Variants in NPHP4 observed in about 807,000 individuals in gnomAD.
NPHP4 encodes the protein nephrocystin-4.
A neutral mutation model predicts 155.8 loss-of-function variants in NPHP4; 151 were observed. The ratio of observed to expected loss-of-function variants is 0.97; its 90% CI spans 0.85 to 1.11. The LOEUF (loss-of-function observed/expected upper bound fraction) is 1.11. Ranked by LOEUF, NPHP4 falls within the 50% of genes least tolerant of loss-of-function variation. The pLI is 0.00. For missense variants in NPHP4, 1,956 were observed against 1,925.7 expected (o/e 1.02, Z -0.29); for synonymous variants, 845 against 816.8 (o/e 1.03, Z -0.59).
Position 5,907,127 on chromosome 1 carries a change from G to A in NPHP4, c.1599C>T (p.Ser533=), listed in dbSNP as rs1644945496. Residue 533 remains serine (S), a synonymous_variant, in exon 13 of 30, where the codon TCC becomes TCT. Coordinates refer to ENST00000378156, the MANE Select transcript of NPHP4 (RefSeq NM_015102.5). ...GGGCGGCACTTACTGCCTGGGCCGGGGAGGCCTGAGAGCCATGGGGTAGCT... is the reference window on the plus strand; with the variant it reads ...GGGCGGCACTTACTGCCTGGGCCGGAGAGGCCTGAGAGCCATGGGGTAGCT... ...TSQLPHGSQA[S]PAQAQEFPLE... The A allele has an allele frequency of 6.5e-7, 1 of 1,542,772 alleles. No homozygotes were observed. The highest frequency in any genetic ancestry group is 1.4e-5 in the African/African-American group (1 of 73,070).
intron 16 of NPHP4, among the ~76,000 whole-genome samples, chr1:5,903,870 C>T (rs1489822132): frequency 6.6e-6 from 1 of 152,196 alleles, no homozygotes; most frequent in Non-Finnish European, 1.5e-5. Flanking sequence ...TGACGCAACA[C>T]AAAGAGAAGC....
intron 15 of NPHP4, among the ~76,000 whole-genome samples, 157 bp from the exon 16 acceptor site, chr1:5,904,961 C>G (rs1038418325): frequency 6.6e-6 from 1 of 152,170 alleles, no homozygotes; most frequent in Non-Finnish European, 1.5e-5. Flanking sequence ...TTGCTGTGCT[C>G]TCAGCAAGCC....
intron 10 of NPHP4, among the ~76,000 whole-genome samples, chr1:5,931,227 G>T (rs1420433301): frequency 6.6e-6 from 1 of 151,946 alleles, no homozygotes; most frequent in Non-Finnish European, 1.5e-5. Context: ...CTTTTAAACT[G>T]GTGTGTTTAC....
chr1:5,953,010 T>C (rs1290743720), intron 6 of NPHP4, among the ~76,000 whole-genome samples, 174 bp from the exon 7 acceptor site: 1 of 152,082 alleles, frequency 6.6e-6, no homozygotes, highest in Non-Finnish European at 1.5e-5. Context: ...ATTAAGCAAA[T>C]ACAGATTTCA....
intron 1 of NPHP4, among the ~76,000 whole-genome samples, chr1:5,986,764 C>T (rs373952446): frequency 2.0e-5 from 3 of 152,038 alleles, no homozygotes; most frequent in East Asian, 3.9e-4. Flanking sequence ...CCCCTACCCC[C>T]GTGGGCCAGA....
In NPHP4 at chr1:5,948,118, G is replaced by A. The variant is rs200684272; in HGVS notation, c.944C>T (p.Thr315Met). ...VLVPEMDVALTRSASFSRKVV... is the reference protein window; with the variant it reads ...VLVPEMDVALMRSASFSRKVV... ...TTTCCTGCTGAAGCTAGCTGAGCGC[G>A]TCAAGGCCACATCCATCTCAGGCAC... The change falls in exon 8 of 30, where the codon ACG becomes ATG. Residue 315 changes from threonine (T) to methionine (M), a missense_variant. Thr to Met is a moderately conservative substitution (Grantham distance 81, BLOSUM62 -1). Transcript: ENST00000378156. The A allele has an allele frequency of 6.6e-4, 1,072 of 1,613,840 alleles. 13 individuals are homozygous for A. The South Asian group carries it at 8.2e-3, about 12-fold the overall frequency.
chr1:5,927,643 A>G lies in NPHP4; in HGVS notation c.1441+6T>C. The G allele has an allele frequency of 6.2e-7, 1 of 1,601,760 alleles. No individual in the cohort carries two copies. Among genetic ancestry groups the G allele is most frequent in the Non-Finnish European group, 8.5e-7 (1 of 1,170,166 alleles). On this transcript the variant is annotated splice_donor_region_variant and intron_variant, in intron 11 of 29. Transcript: ENST00000378156. ...CCTGGCCAGTCAGCTCTCTGGAAAC[A>G]CTTACTCGAAGGGGACGTGGGTGGT...
intron 26 of NPHP4, chr1:5,865,965 C>T (rs559046991): frequency 8.6e-6 from 2 of 232,148 alleles, no homozygotes; most frequent in Non-Finnish European, 1.7e-5. Flanking sequence ...GGTCATTTAG[C>T]CTGGAGGAGA....
intron 1 of NPHP4, among the ~76,000 whole-genome samples, chr1:5,990,973 T>C (rs1656167657): frequency 6.6e-6 from 1 of 152,090 alleles, no homozygotes; most frequent in Non-Finnish European, 1.5e-5. Flanking sequence ...TTCAAGCATC[T>C]AGAAAGCCAG....
chr1:5,962,984 C>T (rs1398353907), intron 5 of NPHP4, among the ~76,000 whole-genome samples: 1 of 152,246 alleles, frequency 6.6e-6, no homozygotes, highest in African/African-American at 2.4e-5. Flanking sequence ...TGCACGTGGT[C>T]TCAGGCGGCT....
At chr1:5,936,168 A>T (rs1314813752) in intron 9 of NPHP4, among the ~76,000 whole-genome samples, 3 of 152,214 alleles carry the variant, frequency 2.0e-5, no homozygotes, top group Non-Finnish European at 4.4e-5. Flanking sequence ...CAGTTACATA[A>T]ACATGCATTT....
chr1:5,972,559 A>C (rs1652768420), intron 3 of NPHP4, among the ~76,000 whole-genome samples: 1 of 152,212 alleles, frequency 6.6e-6, no homozygotes, highest in Non-Finnish European at 1.5e-5. Context: ...AGCCTGGCAC[A>C]CAGAAGACCC....
At chr1:5,949,656 AC>A (rs1346012566) in intron 7 of NPHP4, among the ~76,000 whole-genome samples, 1 of 151,824 alleles carries the variant, frequency 6.6e-6, no homozygotes, top group Non-Finnish European at 1.5e-5. Flanking sequence ...CAGTCAGAGG[AC>A]CCCGTCCAGA....
chr1:5,943,463 T>C (rs549672203), intron 9 of NPHP4, among the ~76,000 whole-genome samples: 1 of 152,156 alleles, frequency 6.6e-6, no homozygotes, highest in Non-Finnish European at 1.5e-5. Context: ...CTAGACACCA[T>C]AGCTTTTGCC....
intron 11 of NPHP4, among the ~76,000 whole-genome samples, chr1:5,925,039 C>G (rs984524712): frequency 1.3e-5 from 2 of 152,178 alleles, no homozygotes; most frequent in Admixed American, 6.5e-5. Context: ...CAGGTTCATT[C>G]TCTGTTCAGG....
intron 9 of NPHP4, 23 bp from the exon 10 acceptor site, chr1:5,933,352 C>T (rs778637559): frequency 2.7e-5 from 44 of 1,601,792 alleles, no homozygotes; most frequent in South Asian, 2.7e-4. Context: ...CAAAGCACAT[C>T]GGTGTATGAG....
rs80257238 is a variant in NPHP4 at position 5,899,509 on chromosome 1, G to A, written c.2143+5108C>T. Among the ~76,000 whole-genome samples the A allele has an allele frequency of 8.0e-3, 1,222 of 152,340 alleles. 15 individuals are homozygous for A. Among genetic ancestry groups the A allele is most frequent in the African/African-American group, 0.026 (1,062 of 41,588 alleles). ...TCCCTTGGGGGAGGTGAAGGACTGC[G>A]GTGAGGGAGGCCTCTGCATCCTGTT... is the stretch of plus-strand genomic sequence containing the variant. On this transcript the variant is annotated intron_variant, in intron 16 of 29. Coordinates refer to ENST00000378156, the MANE Select transcript of NPHP4 (RefSeq NM_015102.5).
chr1:5,904,861 G>A, intron 15 of NPHP4, 57 bp from the exon 16 acceptor site: 1 of 1,539,804 alleles, frequency 6.5e-7, no homozygotes, highest in South Asian at 1.1e-5. Context: ...AACCTGAGGG[G>A]TCTAATGTGT....
intron 3 of NPHP4, among the ~76,000 whole-genome samples, chr1:5,976,083 T>A (rs1008933775): frequency 1.3e-5 from 2 of 152,182 alleles, no homozygotes; most frequent in African/African-American, 4.8e-5. Context: ...TCCCTCAGCA[T>A]TCTACAGAAC....
Sources: allele counts gnomAD v4.1 joint callset (sites outside exome capture counted in the v4.1 genomes callset), GRCh38; gene constraint gnomAD v4.1.1; transcripts MANE v1.5; gene names NCBI Gene and HGNC (gene_info 2026-07-23, HGNC 2026-07-21).